The following DISP3 variants were observed in gnomAD, a reference collection of about 807,000 sequenced individuals.
The protein encoded by DISP3 is dispatched RND transporter family member 3.
DISP3 carries 101 observed loss-of-function variants against 135.3 expected under a neutral mutation model. That is an observed-to-expected ratio of 0.75 (90% CI 0.64 to 0.88). DISP3 has a LOEUF of 0.88. Among genes scored for constraint, DISP3 ranks in the 40% least tolerant of loss-of-function variants. DISP3 has a pLI of 0.00. For synonymous variants in DISP3, 856 were observed against 817.0 expected (o/e 1.05, Z -0.81); for missense variants, 1,713 against 1,878.6 (o/e 0.91, Z 1.63).
chr1:11,533,558 G>A (rs1227647330), intron 17 of DISP3: 1 of 539,452 alleles, frequency 1.9e-6, no homozygotes, highest in East Asian at 3.0e-5. Flanking sequence ...CGCCCAGCCG[G>A]TGACTGGCTC....
At chr1:11,533,565 G>A (rs1479457564) in intron 17 of DISP3, 2 of 544,746 alleles carry the variant, frequency 3.7e-6, no homozygotes. Context: ...CCGGTGACTG[G>A]CTCATTTTAC....
rs1640967202 is a variant in DISP3 at position 11,483,831 on chromosome 1, G to A, written c.-4+4459G>A. Among the ~76,000 whole-genome samples the A allele has an allele frequency of 6.6e-6, 1 of 152,154 alleles. No individual in the cohort carries two copies. Among genetic ancestry groups the A allele is most frequent in the South Asian group, 2.1e-4 (1 of 4,822 alleles). The stretch of plus-strand genomic sequence containing the variant: ...GGAGTGTGAAAGACAACTTAACTCT[G>A]TAAGAGGTCAAGGATATGAGAAGCC... On this transcript the variant is annotated intron_variant, in intron 1 of 20. Transcript: ENST00000294484. This position sits in a 1 kb window ranked among gnomAD's most constrained non-coding sequence, Gnocchi z 5.4.
chr1:11,529,599 C>T lies in DISP3; in HGVS notation c.2842C>T (p.Arg948Cys), dbSNP rs561908282. The change falls in exon 14 of 21, where the codon CGC (arginine) becomes TGC (cysteine). Residue 948 changes from arginine (R) to cysteine (C), a missense_variant. This residue lies in a region of DISP3 where 1,142 missense variants were observed against 1,384.6 expected (regional missense o/e 0.82). Transcript: ENST00000294484. The surrounding 1 kb of genome is among the most constrained non-coding windows in gnomAD (Gnocchi z 4.7). ...AQSHKPPFHG[R>C]VCMAPPGCLL... ...GTCCCACAAGCCCCCCTTCCACGGG[C>T]GCGTATGCATGGCACCCCCTGGCTG... 33 of 1,606,624 alleles carry T rather than the reference C, an allele frequency of 2.1e-5. 1 individual carries two copies. The highest frequency in any genetic ancestry group is 1.2e-4 in the African/African-American group (9 of 74,904).
Position 11,500,972 on chromosome 1 carries a change from C to T in DISP3, c.-3-18C>T. On this transcript the variant is annotated intron_variant, in intron 1 of 20. Transcript: ENST00000294484. ...CTCACTGTCTCTCTAGCCTGCTGAC[C>T]CTCTCCCTCTCCTGCAGACTATGGA... is the stretch of plus-strand genomic sequence containing the variant. 6.2e-7 allele frequency: 1 copy of T among 1,612,524 alleles called. No individual in the cohort carries two copies. Among genetic ancestry groups the T allele is most frequent in the South Asian group, 1.1e-5 (1 of 90,940 alleles).
At chr1:11,498,750 T>C (rs1641413928) in intron 1 of DISP3, among the ~76,000 whole-genome samples, 1 of 152,208 alleles carries the variant, frequency 6.6e-6, no homozygotes, top group African/African-American at 2.4e-5. Flanking sequence ...CAAGCACTTA[T>C]ACCTACCAGG....
At chr1:11,488,039 C>T (rs1425793480) in intron 1 of DISP3, among the ~76,000 whole-genome samples, 2 of 152,162 alleles carry the variant, frequency 1.3e-5, no homozygotes, top group African/African-American at 2.4e-5. Flanking sequence ...GGATAACACT[C>T]CACCATTGAG....
intron 17 of DISP3, chr1:11,533,737 G>GCACACACGCACGCA (rs1277195286): frequency 9.9e-5 from 55 of 555,674 alleles, no homozygotes; most frequent in Non-Finnish European, 1.3e-4. Context: ...AGACACGCAT[G>GCACACACGCACGCA]CACACACACA....
chr1:11,501,200 A>G lies in DISP3; in HGVS notation c.208A>G (p.Asn70Asp), dbSNP rs202214902. The G allele has an allele frequency of 3.3e-4, 534 of 1,613,886 alleles. 1 individual carries two copies. The African/African-American group carries it at 6.5e-3, about 20-fold the overall frequency. The change falls in exon 2 of 21, where the codon AAT (asparagine) becomes GAT (aspartate). Residue 70 changes from asparagine to aspartate, a missense_variant. This residue lies in a region of DISP3 where 571 missense variants were observed against 494.1 expected (regional missense o/e 1.16). Coordinates refer to ENST00000294484, the MANE Select transcript of DISP3 (RefSeq NM_020780.2). This position sits in a 1 kb window ranked among gnomAD's most constrained non-coding sequence, Gnocchi z 4.9. ...GAGTACCCTGGGCTGGGCCTTCACC[A>G]ATCCGTGCTGTGCTGGGCTGGTGCT... ...FWSTLGWAFT[N>D]PCCAGLVLFL... is the part of the protein sequence containing the mutation.
intron 3 of DISP3, among the ~76,000 whole-genome samples, chr1:11,512,372 T>C (rs1233817223): frequency 6.6e-6 from 1 of 152,214 alleles, no homozygotes; most frequent in Non-Finnish European, 1.5e-5. Flanking sequence ...AATGCTTTGC[T>C]GCTTAGAAAT....
intron 2 of DISP3, among the ~76,000 whole-genome samples, 174 bp downstream of exon 2, chr1:11,502,262 C>T (rs540743434): frequency 2.6e-5 from 4 of 152,262 alleles, no homozygotes; most frequent in Admixed American, 6.5e-5. Context: ...GTGAGATGAG[C>T]GTAAGAGGGA....
chr1:11,484,963 C>T (rs945805748), intron 1 of DISP3, among the ~76,000 whole-genome samples: 4 of 152,072 alleles, frequency 2.6e-5, no homozygotes, highest in African/African-American at 4.8e-5. Context: ...CAGGTGTGGG[C>T]TTGTAGAAGT....
intron 20 of DISP3, among the ~76,000 whole-genome samples, chr1:11,535,894 G>C (rs1642695988): frequency 6.6e-6 from 1 of 152,084 alleles, no homozygotes; most frequent in Admixed American, 6.5e-5. Flanking sequence ...AGGATTCCAA[G>C]GGGGCCCTCC....
At chr1:11,492,158 G>C (rs962360230) in intron 1 of DISP3, among the ~76,000 whole-genome samples, 1 of 147,348 alleles carries the variant, frequency 6.8e-6, no homozygotes, top group Non-Finnish European at 1.5e-5. Flanking sequence ...GTTAATAATC[G>C]TACTAGCTGC....
At chr1:11,507,436 T>C (rs1641737396) in intron 3 of DISP3, among the ~76,000 whole-genome samples, 1 of 152,218 alleles carries the variant, frequency 6.6e-6, no homozygotes, top group African/African-American at 2.4e-5. Flanking sequence ...GGCTTTCTGC[T>C]TAGGTTTTTT....
At chr1:11,522,072 A>G (rs1642211732) in intron 10 of DISP3, among the ~76,000 whole-genome samples, 1 of 152,034 alleles carries the variant, frequency 6.6e-6, no homozygotes, top group Non-Finnish European at 1.5e-5. Flanking sequence ...ACGGAGTGGG[A>G]GTCGGGAATG....
chr1:11,524,087 C>T (rs76782247), intron 11 of DISP3, 32 bp downstream of exon 11: 2 of 1,506,640 alleles, frequency 1.3e-6, no homozygotes, highest in African/African-American at 2.8e-5. Flanking sequence ...TGGGGAAATC[C>T]TCCCTGGTGC....
chr1:11,498,202 C>T (rs1468026542), intron 1 of DISP3, among the ~76,000 whole-genome samples: 1 of 152,210 alleles, frequency 6.6e-6, no homozygotes, highest in Non-Finnish European at 1.5e-5. Flanking sequence ...TAATAACTAT[C>T]GTGCATTCCG....
Position 11,536,951 on chromosome 1 carries a change from T to G in DISP3, c.*265T>G. The G allele has an allele frequency of 1.9e-6, 1 of 516,822 alleles. No homozygotes were observed. Among genetic ancestry groups the G allele is most frequent in the Non-Finnish European group, 3.4e-6 (1 of 293,418 alleles). 32.0% of individuals were successfully genotyped at this position (516,822 alleles called of 1,614,324 possible). On this transcript the variant is annotated 3_prime_UTR_variant, in exon 21 of 21. Coordinates refer to ENST00000294484, the MANE Select transcript of DISP3 (RefSeq NM_020780.2). This position sits in a 1 kb window ranked among gnomAD's most constrained non-coding sequence, Gnocchi z 4.3. Reference sequence around the variant, plus strand: ...CAGTGGCAGAAGAGACCAGCCCTCCTCCCATGCCCGGTCACCATGGGGGTC... The same window carrying G: ...CAGTGGCAGAAGAGACCAGCCCTCCGCCCATGCCCGGTCACCATGGGGGTC...
intron 3 of DISP3, among the ~76,000 whole-genome samples, chr1:11,513,432 T>C (rs983052653): frequency 6.6e-6 from 1 of 152,236 alleles, no homozygotes; most frequent in African/African-American, 2.4e-5. Context: ...GCTGACTGTT[T>C]TCCCCACTGT....
Sources: gnomAD v4.1 joint callset for allele counts (sites outside exome capture counted in the v4.1 genomes callset) on GRCh38, gnomAD v4.1.1 for gene constraint, gnomAD v4.1.1 regional missense constraint, Gnocchi (gnomAD v3.1) non-coding constraint, MANE v1.5 for transcripts, NCBI Gene and HGNC (gene_info 2026-07-23, HGNC 2026-07-21) for gene names.